The following GTF3C6 variants were observed in gnomAD, a reference collection of about 807,000 sequenced individuals.
GTF3C6 encodes general transcription factor 3C polypeptide 6.
A neutral mutation model predicts 19.2 loss-of-function variants in GTF3C6; 11 were observed. The observed-to-expected ratio is 0.57, with a 90% CI of 0.36 to 0.95. The LOEUF (loss-of-function observed/expected upper bound fraction) is 0.95. Among genes scored for constraint, GTF3C6 ranks in the 40% least tolerant of loss-of-function variants. GTF3C6 has a pLI of 0.01. For missense variants in GTF3C6, 222 were observed against 254.7 expected, an observed-to-expected ratio of 0.87 and a Z score of 0.87; for synonymous variants, 87 against 84.2, an observed-to-expected ratio of 1.03 and a Z score of -0.18.
intron 5 of GTF3C6, among the ~76,000 whole-genome samples, chr6:110,964,868 T>C (rs1376982379): frequency 1.3e-5 from 2 of 148,912 alleles, no homozygotes; most frequent in African/African-American, 5.0e-5. Flanking sequence ...ATTTCGCTCT[T>C]GTTGCCCAGG....
In GTF3C6 at chr6:110,962,472, C is replaced by A. The variant is rs762503699; in HGVS notation, c.328C>A (p.Leu110Met). 1.2e-6 allele frequency: 2 copies of A among 1,609,704 alleles called. No individual in the cohort carries two copies. Among genetic ancestry groups the A allele is most frequent in the South Asian group, 2.2e-5 (2 of 90,994 alleles). Residue 110 changes from leucine (L) to methionine (M), a missense_variant, in exon 5 of 6, where the codon CTG becomes ATG. Leu to Met is a conservative substitution (Grantham distance 15). Coordinates refer to ENST00000329970, the MANE Select transcript of GTF3C6 (RefSeq NM_138408.4). ...MKKLSMTRTL[L>M]TEKKEGEENI... ...GAAGCTCAGCATGACAAGAACTCTC[C>A]TGACAGAGAAGAAGGAAGGAGAAGA...
At position 110,962,202 on chromosome 6, in the gene GTF3C6, C is replaced by A. The variant is rs532653882; in HGVS notation, c.248-190C>A. On this transcript the variant is annotated intron_variant, in intron 4 of 5. Transcript: ENST00000329970. ...TACAGGTGTGAGCCACCGTGCCCAG[C>A]CTGTTAATGTATTTTATCTATCATT... Among the ~76,000 whole-genome samples, 7 of 152,274 alleles carry A rather than the reference C, an allele frequency of 4.6e-5. No homozygotes were observed. The East Asian group carries it at 1.4e-3, about 29-fold the overall frequency.
At chr6:110,963,335 T>G (rs1257020906) in intron 5 of GTF3C6, among the ~76,000 whole-genome samples, 2 of 152,218 alleles carry the variant, frequency 1.3e-5, no homozygotes, top group African/African-American at 2.4e-5. Flanking sequence ...ATCTTTTATC[T>G]GCTTGGCACT....
intron 5 of GTF3C6, 82 bp downstream of exon 5, chr6:110,962,587 C>G (rs1239442397): frequency 3.9e-6 from 3 of 760,606 alleles, no homozygotes; most frequent in Non-Finnish European, 6.8e-6. Context: ...AGTCCTTGTA[C>G]TTTTTAGTAA....
intron 5 of GTF3C6, among the ~76,000 whole-genome samples, chr6:110,966,525 G>T (rs1470172771): frequency 6.6e-6 from 1 of 152,100 alleles, no homozygotes; most frequent in African/African-American, 2.4e-5. Context: ...ATCCTATTCA[G>T]TATGGGACAG....
Position 110,958,809 on chromosome 6 carries a change from G to A in GTF3C6, c.40G>A (p.Glu14Lys), listed in dbSNP as rs1207417893. ...AADERSPEDG[E>K]DEEEEEQLVL... The stretch of plus-strand genomic sequence containing the variant: ...GGACGAGCGGAGTCCAGAGGACGGA[G>A]AAGACGAGGAAGAGGAGGTAGTAAG... The change falls in exon 1 of 6, where the codon GAA becomes AAA. Residue 14 changes from glutamate (E) to lysine (K), a missense_variant. Coordinates refer to ENST00000329970, the MANE Select transcript of GTF3C6 (RefSeq NM_138408.4). 6.4e-7 allele frequency: 1 copy of A among 1,551,208 alleles called. No homozygotes were observed. The highest frequency in any genetic ancestry group is 8.7e-7 in the Non-Finnish European group (1 of 1,146,940).
At chr6:110,963,414 GTC>G (rs1295597399) in intron 5 of GTF3C6, among the ~76,000 whole-genome samples, 1 of 151,836 alleles carries the variant, frequency 6.6e-6, no homozygotes, top group Non-Finnish European at 1.5e-5. Context: ...GTGCTTCTCT[GTC>G]TCTCTCTTCT....
In GTF3C6 at chr6:110,967,706, G is replaced by A. The variant is rs756241159; in HGVS notation, c.558G>A (p.Leu186=). 2 of 1,613,890 alleles carry A rather than the reference G, an allele frequency of 1.2e-6. No individual in the cohort carries two copies. Among genetic ancestry groups the A allele is most frequent in the East Asian group, 2.2e-5 (1 of 44,876 alleles). Residue 186 remains leucine, a synonymous_variant, in exon 6 of 6, where the codon TTG becomes TTA. Coordinates refer to ENST00000329970, the MANE Select transcript of GTF3C6 (RefSeq NM_138408.4). ...LSCEQEKPMH[L]EIEDSGPLID... is the part of the protein sequence containing the mutation. ...GTGAACAGGAGAAACCAATGCACTT[G>A]GAAATAGAAGATTCTGGTCCTCTTA... is the stretch of plus-strand genomic sequence containing the variant.
At chr6:110,966,626 A>C (rs141641768) in intron 5 of GTF3C6, among the ~76,000 whole-genome samples, 322 of 152,314 alleles carry the variant, frequency 2.1e-3, no homozygotes, top group Non-Finnish European at 3.9e-3. Context: ...TGCTGGAGGC[A>C]AAACAGGACA....
chr6:110,958,737 G>A lies in GTF3C6; in HGVS notation c.-33G>A, dbSNP rs752821709. ...AAGATGGCGGCTCCGGGCGGGCGTG[G>A]CCAGTGACTAGAAGGCGAGGCGCCG... is the stretch of plus-strand genomic sequence containing the variant. On this transcript the variant is annotated 5_prime_UTR_variant, in exon 1 of 6. Coordinates refer to ENST00000329970, the MANE Select transcript of GTF3C6 (RefSeq NM_138408.4). 6.5e-7 allele frequency: 1 copy of A among 1,549,978 alleles called. No homozygotes were observed. Among genetic ancestry groups the A allele is most frequent in the East Asian group, 2.4e-5 (1 of 40,928 alleles).
intron 2 of GTF3C6, among the ~76,000 whole-genome samples, chr6:110,959,556 A>G (rs1225568362): frequency 6.6e-6 from 1 of 152,134 alleles, no homozygotes; most frequent in Non-Finnish European, 1.5e-5. Context: ...GGAACCGTAC[A>G]TATATTCCTG....
intron 2 of GTF3C6, among the ~76,000 whole-genome samples, chr6:110,959,857 C>T (rs6925571): frequency 0.21 from 31,731 of 151,514 alleles, 3,611 homozygotes; most frequent in African/African-American, 0.31. Flanking sequence ...CTCGGGAGGC[C>T]GAGACAGGAG....
At chr6:110,960,943 G>A (rs1251273000) in intron 4 of GTF3C6, among the ~76,000 whole-genome samples, 1 of 151,934 alleles carries the variant, frequency 6.6e-6, no homozygotes, top group South Asian at 2.1e-4. Context: ...CTACTCGGGA[G>A]ACTGAGGCAC....
chr6:110,961,807 T>C (rs1329653733), intron 4 of GTF3C6, among the ~76,000 whole-genome samples: 1 of 152,250 alleles, frequency 6.6e-6, no homozygotes. Flanking sequence ...ATGAAGCCTG[T>C]TAGACCTATG....
At chr6:110,964,326 C>T (rs949329511) in intron 5 of GTF3C6, among the ~76,000 whole-genome samples, 9 of 151,818 alleles carry the variant, frequency 5.9e-5, no homozygotes, top group African/African-American at 2.2e-4. Flanking sequence ...CTTACTGCAA[C>T]CTCCACCTCC....
intron 5 of GTF3C6, 24 bp from the exon 6 acceptor site, chr6:110,967,486 T>C (rs759290666): frequency 6.4e-7 from 1 of 1,561,596 alleles, no homozygotes; most frequent in Non-Finnish European, 8.6e-7. Flanking sequence ...TTTTTTTGTT[T>C]ATTCCTCATC....
chr6:110,962,671 C>T (rs200171535), intron 5 of GTF3C6, among the ~76,000 whole-genome samples, 166 bp downstream of exon 5: 15 of 152,196 alleles, frequency 9.9e-5, no homozygotes, highest in African/African-American at 3.4e-4. Flanking sequence ...GGCACAATCT[C>T]GGCTCACTGC....
At chr6:110,965,847 A>G (rs529743356) in intron 5 of GTF3C6, among the ~76,000 whole-genome samples, 1 of 152,368 alleles carries the variant, frequency 6.6e-6, no homozygotes, top group African/African-American at 2.4e-5. Flanking sequence ...AACAACAACA[A>G]AAAACCAGTA....
rs549140941 is a variant in GTF3C6 at position 110,958,989 on chromosome 6, A to G, written c.57+163A>G. 3.5e-4 allele frequency: 305 copies of G among 882,716 alleles called. 5 individuals carry two copies. The South Asian group carries it at 4.5e-3, about 13-fold the overall frequency. The allele number at this position is 882,716 out of a possible 1,614,324, so 54.7% of individuals were successfully genotyped here. A position where few individuals can be genotyped will look rare whatever the true frequency, so the allele number is the denominator to read the frequency against. ...GAGGAGCCGGGCAGCTTGGGACCTT[A>G]GCCCTAATCGTCACCCCGTACTTGG... is the stretch of plus-strand genomic sequence containing the variant. On this transcript the variant is annotated intron_variant, in intron 1 of 5. Coordinates refer to ENST00000329970, the MANE Select transcript of GTF3C6 (RefSeq NM_138408.4).
Sources: gnomAD v4.1 joint callset for allele counts (sites outside exome capture counted in the v4.1 genomes callset) on GRCh38, gnomAD v4.1.1 for gene constraint, MANE v1.5 for transcripts, NCBI Gene and HGNC (gene_info 2026-07-23, HGNC 2026-07-21) for gene names.